The following SFMBT2 variants were observed in gnomAD, a reference collection of about 807,000 sequenced individuals.
The protein encoded by SFMBT2 is scm-like with four MBT domains protein 2.
A neutral mutation model predicts 110.1 loss-of-function variants in SFMBT2; 38 were observed. The observed-to-expected ratio is 0.35, with a 90% confidence interval of 0.27 to 0.45. SFMBT2 has a LOEUF of 0.45. SFMBT2 is among the 20% of genes least tolerant of loss of function. The probability of loss-of-function intolerance (pLI) is 1.00; values close to 1 mark genes in which losing one functional copy is unlikely to be tolerated. For missense variants in SFMBT2, 1,011 were observed against 1,094.9 expected, an observed-to-expected ratio of 0.92 and a Z score of 1.08; for synonymous variants, 425 against 425.4, an observed-to-expected ratio of 1.00 and a Z score of 0.01.
chr10:7,227,988 G>C (rs1338451322), intron 9 of SFMBT2, 51 bp from the exon 10 acceptor site: 2 of 1,385,948 alleles, frequency 1.4e-6, no homozygotes, highest in East Asian at 2.5e-5. Flanking sequence ...CAAAATCCCA[G>C]ACAGATGAGC....
At chr10:7,219,487 C>A (rs1441231703) in intron 11 of SFMBT2, among the ~76,000 whole-genome samples, 1 of 152,162 alleles carries the variant, frequency 6.6e-6, no homozygotes, top group Admixed American at 6.5e-5. Context: ...TTATTTAAGA[C>A]CTTTGCAGAC....
upstream of SFMBT2, among the ~76,000 whole-genome samples, chr10:7,411,097 A>AT (rs1373615810): frequency 2.3e-4 from 12 of 51,618 alleles, no homozygotes; most frequent in Middle Eastern, 0.013. Flanking sequence ...TTTTTTTAAG[A>AT]TTTTGTGTGT....
At chr10:7,358,236 C>A (rs111458726) in intron 4 of SFMBT2, among the ~76,000 whole-genome samples, 3 of 120,432 alleles carry the variant, frequency 2.5e-5, no homozygotes, top group African/African-American at 8.5e-5. Flanking sequence ...CCCTAGAACA[C>A]CTGCATGGCC....
At chr10:7,305,809 G>T (rs1318381208) in intron 4 of SFMBT2, among the ~76,000 whole-genome samples, 2 of 152,212 alleles carry the variant, frequency 1.3e-5, no homozygotes, top group Non-Finnish European at 2.9e-5. Flanking sequence ...ATTTCTGCAC[G>T]TTTTGTGACT....
intron 4 of SFMBT2, among the ~76,000 whole-genome samples, chr10:7,339,187 C>G (rs1355408888): frequency 6.6e-6 from 1 of 152,132 alleles, no homozygotes; most frequent in Non-Finnish European, 1.5e-5. Context: ...TTGCAGTGAG[C>G]AGAGATCACG....
intron 7 of SFMBT2, among the ~76,000 whole-genome samples, chr10:7,274,857 A>G (rs1841718103): frequency 6.8e-6 from 1 of 147,766 alleles, no homozygotes; most frequent in Admixed American, 6.8e-5. Flanking sequence ...CGTTTCTCCA[A>G]AAAAAAAAAA....
At chr10:7,227,712 T>C in intron 10 of SFMBT2, 143 bp downstream of exon 10, 1 of 683,244 alleles carries the variant, frequency 1.5e-6, no homozygotes, top group South Asian at 1.8e-5. Flanking sequence ...AAAGCAGAGC[T>C]TTCCAAAAAC....
intron 2 of SFMBT2, among the ~76,000 whole-genome samples, chr10:7,374,536 C>A (rs552198962): frequency 1.3e-5 from 2 of 152,240 alleles, no homozygotes; most frequent in East Asian, 3.9e-4. Flanking sequence ...AATTTTAATT[C>A]ATTACAACTA....
At chr10:7,374,637 TC>T (rs1224638215) in intron 2 of SFMBT2, among the ~76,000 whole-genome samples, 4 of 152,116 alleles carry the variant, frequency 2.6e-5, no homozygotes, top group Non-Finnish European at 4.4e-5. Flanking sequence ...CCACTGTGTC[TC>T]CCCTGCAGGA....
At chr10:7,217,695 G>A (rs1839586487) in intron 11 of SFMBT2, among the ~76,000 whole-genome samples, 1 of 152,220 alleles carries the variant, frequency 6.6e-6, no homozygotes, top group African/African-American at 2.4e-5. Context: ...GAAAGGCAGA[G>A]CTGTGAGTGT....
At chr10:7,330,824 G>T (rs1441847767) in intron 4 of SFMBT2, among the ~76,000 whole-genome samples, 1 of 152,182 alleles carries the variant, frequency 6.6e-6, no homozygotes, top group Non-Finnish European at 1.5e-5. Flanking sequence ...CTTTGCTGCT[G>T]TCAGGAAACA....
intron 9 of SFMBT2, among the ~76,000 whole-genome samples, chr10:7,237,569 G>A (rs1269103640): frequency 1.3e-5 from 2 of 152,174 alleles, no homozygotes; most frequent in African/African-American, 2.4e-5. Flanking sequence ...TGCGGAGGAT[G>A]AGGGGTGAAG....
At chr10:7,266,556 G>A (rs998085333) in intron 7 of SFMBT2, among the ~76,000 whole-genome samples, 14 of 152,208 alleles carry the variant, frequency 9.2e-5, no homozygotes, top group Non-Finnish European at 1.3e-4. Flanking sequence ...CGGCAGGTAC[G>A]TGAAGCCTCC....
At chr10:7,292,163 A>C (rs548121673) in intron 4 of SFMBT2, 1 of 188,854 alleles carries the variant, frequency 5.3e-6, no homozygotes, top group East Asian at 1.9e-4. Context: ...TAATCCACTG[A>C]AACTCCTCCC....
At chr10:7,169,533 A>G (rs551704519) in intron 20 of SFMBT2, among the ~76,000 whole-genome samples, 1 of 152,310 alleles carries the variant, frequency 6.6e-6, no homozygotes, top group African/African-American at 2.4e-5. Flanking sequence ...CTCTTTCTAG[A>G]CTACTGATTT....
chr10:7,358,410 ACATGGCCCTAGAACATCTG>A (rs1353028307), intron 4 of SFMBT2, among the ~76,000 whole-genome samples: 18 of 134,398 alleles, frequency 1.3e-4, no homozygotes, highest in South Asian at 5.1e-4. Context: ...TGTGACATCA[ACATGGCCCTAGAACATCTG>A]CATGGCCCTA....
chr10:7,236,956 G>T (rs955462955), intron 9 of SFMBT2, among the ~76,000 whole-genome samples: 3 of 152,238 alleles, frequency 2.0e-5, no homozygotes, highest in African/African-American at 7.2e-5. Context: ...CAGATGGCCA[G>T]TAAGGGTAGG....
In SFMBT2 at chr10:7,176,589, C is replaced by T. The variant is rs1403314124; in HGVS notation, c.1809-424G>A. On this transcript the variant is annotated intron_variant, in intron 16 of 20. Transcript: ENST00000397167. ...TGGGATCAGGATTCTGCCTTGAAAA[C>T]CATGCAAATTCAGAACACTGAAAGG... 5.4e-6 allele frequency: 4 copies of T among 734,672 alleles called. No individual in the cohort carries two copies. In the East Asian group the frequency reaches 5.3e-4, roughly 97 times the overall value. 45.5% of individuals were successfully genotyped at this position (734,672 alleles called of 1,614,324 possible).
At position 7,367,803 on chromosome 10, in the gene SFMBT2, G is replaced by A. The variant is rs1172605541; in HGVS notation, c.282C>T (p.Ala94=). Reference sequence around the variant, plus strand: ...GCTGCCCGCACGTGGTAATGATCGTGGCCACCCAGTACGTGTCCGGGTTGT... The same window carrying A: ...GCTGCCCGCACGTGGTAATGATCGTAGCCACCCAGTACGTGTCCGGGTTGT... The part of the protein sequence containing the change: ...NKNNPDTYWV[A]TIITTCGQLL... The change falls in exon 4 of 21, where the codon GCC becomes GCT. Residue 94 remains alanine (A), a synonymous_variant. Coordinates refer to ENST00000397167, the MANE Select transcript of SFMBT2 (RefSeq NM_001387889.1). The surrounding 1 kb of genome is among the most constrained non-coding windows in gnomAD (Gnocchi z 6.2). 6.2e-7 allele frequency: 1 copy of A among 1,614,166 alleles called. No homozygotes were observed. The highest frequency in any genetic ancestry group is 2.2e-5 in the East Asian group (1 of 44,878).
Sources: allele counts gnomAD v4.1 joint callset (sites outside exome capture counted in the v4.1 genomes callset), GRCh38; gene constraint gnomAD v4.1.1; non-coding constraint Gnocchi (gnomAD v3.1); transcripts MANE v1.5; gene names NCBI Gene and HGNC (gene_info 2026-07-23, HGNC 2026-07-21).